Variants in ITGA9 observed in about 807,000 individuals in gnomAD.
ITGA9 encodes the protein integrin alpha-9.
A neutral mutation model predicts 127.8 loss-of-function variants in ITGA9; 56 were observed. The ratio of observed to expected loss-of-function variants is 0.44; its 90% confidence interval spans 0.35 to 0.55. The LOEUF (loss-of-function observed/expected upper bound fraction) is 0.55, where lower values mean the gene tolerates loss of function less well. Ranked by LOEUF, ITGA9 falls within the 20% of genes least tolerant of loss-of-function variation. The pLI is 0.00. For synonymous variants in ITGA9, 508 were observed against 514.5 expected (o/e 0.99, Z 0.17); for missense variants, 1,196 against 1,347.1 (o/e 0.89, Z 1.76).
At chr3:37,737,085 A>G in intron 20 of ITGA9, 102 bp downstream of exon 20, 1 of 823,162 alleles carries the variant, frequency 1.2e-6, no homozygotes. Flanking sequence ...GATGCTGAGG[A>G]GGAAGAAATG....
chr3:37,585,029 A>G (rs747742956), intron 15 of ITGA9, among the ~76,000 whole-genome samples: 1 of 152,042 alleles, frequency 6.6e-6, no homozygotes, highest in Non-Finnish European at 1.5e-5. Context: ...CATAGTGACC[A>G]TGGCTCTCTA....
chr3:37,690,895 A>G (rs1700825161), intron 18 of ITGA9, among the ~76,000 whole-genome samples: 1 of 152,210 alleles, frequency 6.6e-6, no homozygotes. Flanking sequence ...GGCAGGAGGC[A>G]GTGAATGAAA....
At chr3:37,784,861 A>C in intron 25 of ITGA9, 116 bp from the exon 26 acceptor site, 1 of 804,950 alleles carries the variant, frequency 1.2e-6, no homozygotes, top group South Asian at 1.4e-5. Flanking sequence ...GTTCAATGAT[A>C]AAATTTTTGT....
At chr3:37,722,965 C>G (rs1309884410) in intron 18 of ITGA9, among the ~76,000 whole-genome samples, 1 of 152,180 alleles carries the variant, frequency 6.6e-6, no homozygotes, top group Non-Finnish European at 1.5e-5. Context: ...TTGTCCACAT[C>G]TAGTCCAGCA....
chr3:37,552,445 T>G (rs1699387213), intron 15 of ITGA9, among the ~76,000 whole-genome samples: 1 of 146,952 alleles, frequency 6.8e-6, no homozygotes, highest in Non-Finnish European at 1.5e-5. Context: ...AAATCATTAT[T>G]TTTAGTCAAC....
rs140551007 is a variant in ITGA9 at position 37,781,605 on chromosome 3, A to T, written c.2787+1584A>T. Among the ~76,000 whole-genome samples, 33 of 152,360 alleles carry T rather than the reference A, an allele frequency of 2.2e-4. No individual in the cohort carries two copies. The East Asian group carries it at 5.6e-3, about 26-fold the overall frequency. ...ATTTCCTATGATTTATTTTAAGGTG[A>T]GAGCTGCTGAGAGGCCACTTCCAAC... is the stretch of plus-strand genomic sequence containing the variant. On this transcript the variant is annotated intron_variant, in intron 25 of 27. Coordinates refer to ENST00000264741, the MANE Select transcript of ITGA9 (RefSeq NM_002207.3).
At chr3:37,704,286 TC>T (rs1700979431) in intron 18 of ITGA9, among the ~76,000 whole-genome samples, 1 of 151,996 alleles carries the variant, frequency 6.6e-6, no homozygotes, top group Non-Finnish European at 1.5e-5. Flanking sequence ...CAGACCCAGC[TC>T]CCCACCAGCC....
chr3:37,778,213 A>AAT (rs1279424280), intron 24 of ITGA9, among the ~76,000 whole-genome samples: 4 of 152,246 alleles, frequency 2.6e-5, no homozygotes, highest in Non-Finnish European at 5.9e-5. Context: ...GAAGGTGGTT[A>AAT]CTTTCAGAGG....
chr3:37,721,251 T>TGG (rs1275005023), intron 18 of ITGA9, among the ~76,000 whole-genome samples: 1 of 151,660 alleles, frequency 6.6e-6, no homozygotes, highest in Non-Finnish European at 1.5e-5. Context: ...CCCAAGTAGC[T>TGG]GGGACCACAG....
chr3:37,541,661 A>G (rs908594310), intron 14 of ITGA9, among the ~76,000 whole-genome samples: 1 of 152,202 alleles, frequency 6.6e-6, no homozygotes, highest in Non-Finnish European at 1.5e-5. Context: ...AGAGGACCTC[A>G]GTACAGGCCC....
At chr3:37,541,552 T>G (rs1243373533) in intron 14 of ITGA9, among the ~76,000 whole-genome samples, 1 of 152,220 alleles carries the variant, frequency 6.6e-6, no homozygotes, top group Non-Finnish European at 1.5e-5. Context: ...TTTTTTTTCC[T>G]TCTTTCTTTC....
At chr3:37,509,229 C>G (rs1476090983) in intron 8 of ITGA9, among the ~76,000 whole-genome samples, 1 of 152,188 alleles carries the variant, frequency 6.6e-6, no homozygotes, top group East Asian at 1.9e-4. Context: ...GTCCCTAATC[C>G]TCTCTCTGCT....
intron 15 of ITGA9, among the ~76,000 whole-genome samples, chr3:37,626,143 C>G (rs7641625): frequency 0.78 from 119,015 of 152,190 alleles, 46,814 homozygotes; most frequent in East Asian, 0.89. Flanking sequence ...TCACTTATTC[C>G]CATTCATCCT....
rs35047739 is a variant in ITGA9 at position 37,638,451 on chromosome 3, G to GAAAAA, written c.1839+9130_1839+9134dup. ...TTATTGTCCTTTTCCTGATTATGGG[G>GAAAAA]AAAAAAAAAAAAAAAAAAAGATAAT... is the stretch of plus-strand genomic sequence containing the variant. On this transcript the variant is annotated intron_variant, in intron 16 of 27. Coordinates refer to ENST00000264741, the MANE Select transcript of ITGA9 (RefSeq NM_002207.3). 1.6e-5 allele frequency among the ~76,000 whole-genome samples: 2 copies of GAAAAA among 127,602 alleles called. 1 individual carries two copies. The highest frequency in any genetic ancestry group is 3.4e-5 in the Non-Finnish European group (2 of 59,348). 83.7% of individuals were successfully genotyped at this position (127,602 alleles called of 152,430 possible).
intron 18 of ITGA9, among the ~76,000 whole-genome samples, chr3:37,717,637 T>TC (rs1004734332): frequency 3.9e-5 from 6 of 152,092 alleles, no homozygotes; most frequent in African/African-American, 1.4e-4. Context: ...TCATGAGAAC[T>TC]CACTCACTAT....
chr3:37,602,839 A>G (rs138175974), intron 15 of ITGA9, among the ~76,000 whole-genome samples: 91 of 152,320 alleles, frequency 6.0e-4, no homozygotes, highest in East Asian at 3.9e-4. Context: ...TGAGGTTCAA[A>G]AAGGGTAAAT....
rs1700156402 is a variant in ITGA9, at chr3:37,624,312, A to G, written c.1690-4875A>G. ...TCCCAGGTCCAGCTTTCTTCGGGTC[A>G]TAGAGTGAGGGTGGGAATCAAGTCA... On this transcript the variant is annotated intron_variant, in intron 15 of 27. Transcript: ENST00000264741. Among the ~76,000 whole-genome samples, 3 of 145,236 alleles carry G rather than the reference A, an allele frequency of 2.1e-5. No individual in the cohort carries two copies. In the South Asian group the frequency reaches 6.6e-4, roughly 32 times the overall value.
chr3:37,815,513 G>A (rs536630679), intron 27 of ITGA9, among the ~76,000 whole-genome samples: 2 of 152,020 alleles, frequency 1.3e-5, no homozygotes, highest in South Asian at 2.1e-4. Flanking sequence ...AGAGGCTGAG[G>A]CAGGAGAATC....
At chr3:37,793,389 A>AACACACACACACAC (rs10575371) in intron 26 of ITGA9, among the ~76,000 whole-genome samples, 66 of 134,562 alleles carry the variant, frequency 4.9e-4, no homozygotes, top group Non-Finnish European at 9.0e-4. Flanking sequence ...CAAACAGGTC[A>AACACACACACACAC]ACACACACAC....
Sources: gnomAD v4.1 joint callset for allele counts (sites outside exome capture counted in the v4.1 genomes callset) on GRCh38, gnomAD v4.1.1 for gene constraint, MANE v1.5 for transcripts, NCBI Gene and HGNC (gene_info 2026-07-23, HGNC 2026-07-21) for gene names.